Variants in SLC26A5 observed in about 807,000 individuals in gnomAD.
SLC26A5 encodes prestin.
A neutral mutation model predicts 81.0 loss-of-function variants in SLC26A5; 51 were observed. That is an observed-to-expected ratio of 0.63 (90% confidence interval 0.50 to 0.80). SLC26A5 has a LOEUF of 0.80. SLC26A5 is among the 30% of genes least tolerant of loss of function. The probability of loss-of-function intolerance (pLI) is 0.00; values close to 1 mark genes in which losing one functional copy is unlikely to be tolerated. For missense variants in SLC26A5, 771 were observed against 905.8 expected (o/e 0.85, Z 1.91); for synonymous variants, 325 against 332.8 (o/e 0.98, Z 0.25).
At position 103,443,161 on chromosome 7, in the gene SLC26A5, C is replaced by G. The variant is rs969353527; in HGVS notation, c.-132G>C. On this transcript the variant is annotated 5_prime_UTR_variant, in exon 2 of 20. Transcript: ENST00000306312. Reference sequence around the variant, plus strand: ...GGAGCTCCAGTGCAGTTCACTGAAGCCTTGATCACTGAGGCTGAGAGCAGG... The same window carrying G: ...GGAGCTCCAGTGCAGTTCACTGAAGGCTTGATCACTGAGGCTGAGAGCAGG... The G allele has an allele frequency of 6.6e-6, 1 of 152,264 alleles. No homozygotes were observed. Among genetic ancestry groups the G allele is most frequent in the Non-Finnish European group, 1.5e-5 (1 of 68,076 alleles). The allele number at this position is 152,264 out of a possible 1,614,324, so 9.4% of individuals were successfully genotyped here. A position where few individuals can be genotyped will look rare whatever the true frequency, so the allele number is the denominator to read the frequency against.
chr7:103,384,803 G>A (rs992747729), intron 14 of SLC26A5, among the ~76,000 whole-genome samples: 6 of 152,224 alleles, frequency 3.9e-5, no homozygotes, highest in African/African-American at 1.2e-4. Flanking sequence ...ATAGAGCATT[G>A]ATCTTTGCAC....
intron 7 of SLC26A5, among the ~76,000 whole-genome samples, chr7:103,408,761 A>G (rs1028830535): frequency 2.2e-4 from 33 of 152,144 alleles, no homozygotes; most frequent in Admixed American, 2.6e-4. Context: ...TGGGAAAGGA[A>G]CCTAGGAGAA....
At chr7:103,375,243 T>C (rs1821273604) in intron 19 of SLC26A5, among the ~76,000 whole-genome samples, 1 of 151,688 alleles carries the variant, frequency 6.6e-6, no homozygotes, top group South Asian at 2.1e-4. Flanking sequence ...TTCTATTGTA[T>C]AGATGTCCCT....
chr7:103,415,005 T>C (rs551700352), intron 4 of SLC26A5, among the ~76,000 whole-genome samples: 2 of 152,322 alleles, frequency 1.3e-5, no homozygotes, highest in South Asian at 2.1e-4. Context: ...CATTCATTCA[T>C]AGCTTGGGAT....
intron 12 of SLC26A5, among the ~76,000 whole-genome samples, chr7:103,389,924 C>A (rs1380359339): frequency 6.6e-6 from 1 of 152,152 alleles, no homozygotes; most frequent in African/African-American, 2.4e-5. Context: ...CCACACCCGG[C>A]TGGAAATCAT....
rs1824647952 is a variant in SLC26A5, at chr7:103,413,215, C to A, written c.293-103G>T. On this transcript the variant is annotated intron_variant, in intron 4 of 19. Coordinates refer to ENST00000306312, the MANE Select transcript of SLC26A5 (RefSeq NM_198999.3). ...TTATTTCTGATGAACGAGTGAAGCC[C>A]ATCTTAATTTAAGCTGCAACCTGCC... 7 of 801,538 alleles carry A rather than the reference C, an allele frequency of 8.7e-6. No homozygotes were observed. The Admixed American group carries it at 1.4e-4, about 16-fold the overall frequency. The allele number at this position is 801,538 out of a possible 1,614,324, so 49.7% of individuals were successfully genotyped here. A position where few individuals can be genotyped will look rare whatever the true frequency, so the allele number is the denominator to read the frequency against.
intron 8 of SLC26A5, among the ~76,000 whole-genome samples, chr7:103,404,995 C>T (rs1367595053): frequency 6.6e-6 from 1 of 151,864 alleles, no homozygotes; most frequent in Admixed American, 6.6e-5. Context: ...CTTGTGTATG[C>T]TTCATGAAAT....
chr7:103,353,187 A>C (rs1374937772), intron 19 of SLC26A5, among the ~76,000 whole-genome samples: 1 of 152,174 alleles, frequency 6.6e-6, no homozygotes, highest in Non-Finnish European at 1.5e-5. Context: ...TTTATATAAA[A>C]ACAAAATATA....
intron 5 of SLC26A5, among the ~76,000 whole-genome samples, chr7:103,412,045 A>C (rs1340550426): frequency 6.6e-6 from 1 of 152,180 alleles, no homozygotes; most frequent in Admixed American, 6.5e-5. Context: ...GACTGCATGG[A>C]GAAAGGAAGG....
intron 19 of SLC26A5, chr7:103,353,974 G>T (rs1563484491): frequency 6.4e-7 from 1 of 1,564,038 alleles, no homozygotes; most frequent in South Asian, 1.1e-5. Context: ...TCCTTTCAGT[G>T]TCTACAAACT....
chr7:103,375,050 A>G (rs1308600314), intron 19 of SLC26A5, among the ~76,000 whole-genome samples: 1 of 147,950 alleles, frequency 6.8e-6, no homozygotes, highest in African/African-American at 2.5e-5. Context: ...ACACACACAC[A>G]CACATATATA....
rs369113565 is a variant in SLC26A5, at chr7:103,400,003, C to G, written c.889-1989G>C. On this transcript the variant is annotated intron_variant, in intron 8 of 19. Transcript: ENST00000306312. ...CATTTGGGTTGGTTCCAAGTCTTTG[C>G]TATTGTGAATAGTGCTGCAATAAAC... is the stretch of plus-strand genomic sequence containing the variant. 9.9e-5 allele frequency among the ~76,000 whole-genome samples: 15 copies of G among 152,126 alleles called. No individual in the cohort carries two copies. The East Asian group carries it at 1.3e-3, about 14-fold the overall frequency.
At chr7:103,370,402 AC>A (rs1820964527), downstream of SLC26A5, among the ~76,000 whole-genome samples, 2 of 113,348 alleles carry the variant, frequency 1.8e-5, no homozygotes, top group East Asian at 5.6e-4. Context: ...CCCAACACAC[AC>A]ACAAAAACAC....
intron 5 of SLC26A5, 115 bp from the exon 6 acceptor site, chr7:103,411,701 A>G: frequency 8.6e-7 from 1 of 1,167,880 alleles, no homozygotes; most frequent in South Asian, 1.3e-5. Flanking sequence ...AAGGAAGGCT[A>G]CGCTCCCTTC....
chr7:103,356,023 A>G (rs566749766), intron 19 of SLC26A5, among the ~76,000 whole-genome samples: 100 of 152,364 alleles, frequency 6.6e-4, no homozygotes, highest in Non-Finnish European at 1.2e-3. Flanking sequence ...GATGTAGAGC[A>G]AGAAATGAAA....
intron 7 of SLC26A5, among the ~76,000 whole-genome samples, chr7:103,409,454 T>C (rs538699580): frequency 1.3e-5 from 2 of 152,356 alleles, no homozygotes; most frequent in African/African-American, 4.8e-5. Flanking sequence ...TCTAAATATA[T>C]GGGAGTTTTA....
In SLC26A5 at chr7:103,393,040, G is replaced by A. The variant is rs777670775; in HGVS notation, c.998C>T (p.Thr333Ile). The A allele has an allele frequency of 6.2e-7, 1 of 1,614,020 alleles. No individual in the cohort carries two copies. Among genetic ancestry groups the A allele is most frequent in the Non-Finnish European group, 8.5e-7 (1 of 1,179,882 alleles). Residue 333 changes from threonine to isoleucine, a missense_variant, in exon 10 of 20, where the codon ACC (threonine) becomes ATC (isoleucine). Transcript: ENST00000306312. ...TACGTACACAAGGTGGAAGAGGCTGGTGTCCGGATTGGCTGGAGGTAGCAG... is the reference window on the plus strand; with the variant it reads ...TACGTACACAAGGTGGAAGAGGCTGATGTCCGGATTGGCTGGAGGTAGCAG... ...LGLLPPANPD[T>I]SLFHLVYVDA...
At position 103,389,344 on chromosome 7, in the gene SLC26A5, G is replaced by C; in HGVS notation, c.1392C>G (p.Thr464=). The change falls in exon 13 of 20, where the codon ACC becomes ACG. Residue 464 remains threonine (T), a synonymous_variant. Coordinates refer to ENST00000306312, the MANE Select transcript of SLC26A5 (RefSeq NM_198999.3). ...TGTTACTTACCAGCTCTATTTTGCT[G>C]GTTCTCCAGAAAAAGGGGAGATCTG... ...QFSDLPFFWR[T]SKIELTIWLT... 2 of 1,613,004 alleles carry C rather than the reference G, an allele frequency of 1.2e-6. No individual in the cohort carries two copies. Among genetic ancestry groups the C allele is most frequent in the Non-Finnish European group, 1.7e-6 (2 of 1,179,012 alleles).
chr7:103,392,814 T>G, intron 10 of SLC26A5, 105 bp downstream of exon 10: 1 of 1,404,160 alleles, frequency 7.1e-7, no homozygotes, highest in Non-Finnish European at 1.0e-6. Flanking sequence ...CCTGACCTCA[T>G]GATCCGCCTG....
Sources: gnomAD v4.1 joint callset for allele counts (sites outside exome capture counted in the v4.1 genomes callset) on GRCh38, gnomAD v4.1.1 for gene constraint, MANE v1.5 for transcripts, NCBI Gene and HGNC (gene_info 2026-07-23, HGNC 2026-07-21) for gene names.